CLNK: variants seen among roughly 807,000 people sequenced by gnomAD.
CLNK encodes cytokine-dependent hematopoietic cell linker.
Under a neutral mutation model 68.6 loss-of-function variants are expected in CLNK, and 74 were observed. The observed-to-expected ratio is 1.08, with a 90% confidence interval of 0.89 to 1.31. The LOEUF (loss-of-function observed/expected upper bound fraction) is 1.31. CLNK is among the 50% of genes most tolerant of loss of function. The pLI is 0.00. For missense variants in CLNK, 553 were observed against 515.3 expected (o/e 1.07, Z -0.71); for synonymous variants, 198 against 172.2 (o/e 1.15, Z -1.17).
At chr4:10,513,851 ATTATT>A (rs1053415345) in intron 15 of CLNK, among the ~76,000 whole-genome samples, 3 of 145,408 alleles carry the variant, frequency 2.1e-5, no homozygotes, top group African/African-American at 5.0e-5. Context: ...TATTATTATT[ATTATT>A]TTATTTTTTT....
At chr4:10,712,232 G>T in the CLNK span, among the ~76,000 whole-genome samples, 18 of 152,282 alleles carry the variant, frequency 1.2e-4, no homozygotes, top group African/African-American at 3.8e-4. Flanking sequence ...CTGGTGATTT[G>T]TGGGGGCAGG....
chr4:10,705,477 T>C, the CLNK span, among the ~76,000 whole-genome samples: 3 of 152,218 alleles, frequency 2.0e-5, no homozygotes, highest in South Asian at 6.2e-4. Context: ...TGTTTCCTTT[T>C]TGTGGCTCCA....
the CLNK span, among the ~76,000 whole-genome samples, chr4:10,713,081 G>A: frequency 8.5e-5 from 13 of 152,128 alleles, no homozygotes; most frequent in African/African-American, 1.7e-4. Context: ...GCTTGTCTTC[G>A]CTGTGATTAT....
At chr4:10,667,408 G>T (rs1724442112) in intron 2 of CLNK, among the ~76,000 whole-genome samples, 1 of 121,512 alleles carries the variant, frequency 8.2e-6, no homozygotes, top group African/African-American at 2.8e-5. Flanking sequence ...ATAGACATCA[G>T]GGATGGCATT....
intron 8 of CLNK, among the ~76,000 whole-genome samples, chr4:10,553,672 T>G (rs1354704403): frequency 6.6e-6 from 1 of 152,178 alleles, no homozygotes; most frequent in African/African-American, 2.4e-5. Context: ...CGGGCTGGTC[T>G]GAAGCTCCTA....
At chr4:10,728,572 G>T in the CLNK span, among the ~76,000 whole-genome samples, 1 of 148,360 alleles carries the variant, frequency 6.7e-6, no homozygotes, top group Non-Finnish European at 1.5e-5. Context: ...ATCTGTGTGT[G>T]ATGTATCCTT....
rs143536681 is a variant in CLNK, at chr4:10,536,182, T to C, written c.603-3899A>G. 2.6e-3 allele frequency among the ~76,000 whole-genome samples: 398 copies of C among 152,264 alleles called. 9 individuals carry two copies. Among genetic ancestry groups the C allele is most frequent in the African/African-American group, 9.3e-3 (386 of 41,542 alleles). On this transcript the variant is annotated intron_variant, in intron 11 of 18. Coordinates refer to ENST00000226951, the MANE Select transcript of CLNK (RefSeq NM_052964.4). ...CAGCTGTCTAACTGCCTACCATTGATACAGTTGATTGCCAGATGTAAATCA... is the reference window on the plus strand; with the variant it reads ...CAGCTGTCTAACTGCCTACCATTGACACAGTTGATTGCCAGATGTAAATCA...
At chr4:10,671,739 C>T (rs963868720) in intron 1 of CLNK, among the ~76,000 whole-genome samples, 4 of 152,166 alleles carry the variant, frequency 2.6e-5, no homozygotes, top group African/African-American at 9.7e-5. Context: ...CCTCAGTAAC[C>T]TCATAGGGTC....
intron 8 of CLNK, 139 bp downstream of exon 8, chr4:10,558,268 A>G: frequency 1.5e-6 from 1 of 664,470 alleles, no homozygotes; most frequent in Non-Finnish European, 2.7e-6. Flanking sequence ...AAAATTAGAT[A>G]GTTATTTCCT....
chr4:10,575,814 C>T (rs1720540420), intron 4 of CLNK, among the ~76,000 whole-genome samples: 1 of 152,244 alleles, frequency 6.6e-6, no homozygotes, highest in African/African-American at 2.4e-5. Flanking sequence ...CTTTGATCCA[C>T]ATTGGATTGT....
the CLNK span, among the ~76,000 whole-genome samples, chr4:10,700,141 C>T: frequency 6.6e-6 from 1 of 151,936 alleles, no homozygotes; most frequent in Non-Finnish European, 1.5e-5. Context: ...GGAAGAATGG[C>T]TAGCTATGGA....
intron 2 of CLNK, among the ~76,000 whole-genome samples, chr4:10,628,447 G>T (rs944938902): frequency 6.6e-6 from 1 of 151,894 alleles, no homozygotes; most frequent in African/African-American, 2.4e-5. Context: ...TACATTTTTC[G>T]GTCTGTATTG....
At chr4:10,571,583 G>A (rs755269475) in intron 5 of CLNK, among the ~76,000 whole-genome samples, 158 bp downstream of exon 5, 14 of 152,138 alleles carry the variant, frequency 9.2e-5, no homozygotes, top group South Asian at 2.1e-4. Context: ...TGATCTGCCC[G>A]CCTTGGCCTC....
At chr4:10,700,034 A>G in the CLNK span, among the ~76,000 whole-genome samples, 1 of 63,630 alleles carries the variant, frequency 1.6e-5, no homozygotes, top group African/African-American at 4.6e-5. Flanking sequence ...GTGTATATAT[A>G]TATTTCCTAT....
chr4:10,618,192 T>C (rs1335976439), intron 2 of CLNK, among the ~76,000 whole-genome samples: 3 of 152,082 alleles, frequency 2.0e-5, no homozygotes, highest in Non-Finnish European at 4.4e-5. Flanking sequence ...TATTTAGCAA[T>C]AAAAATGGAT....
upstream of CLNK, among the ~76,000 whole-genome samples, chr4:10,686,909 T>C (rs1486422073): frequency 1.3e-5 from 2 of 152,292 alleles, no homozygotes; most frequent in East Asian, 3.9e-4. Flanking sequence ...TAAAGCTTTT[T>C]TTCTTGGAAT....
At chr4:10,597,744 C>CT (rs1189652077) in intron 3 of CLNK, among the ~76,000 whole-genome samples, 1 of 152,108 alleles carries the variant, frequency 6.6e-6, no homozygotes, top group Non-Finnish European at 1.5e-5. Flanking sequence ...GGAAAGAGGC[C>CT]TGGCCTGCAG....
chr4:10,713,182 G>T, the CLNK span, among the ~76,000 whole-genome samples: 1 of 152,308 alleles, frequency 6.6e-6, no homozygotes, highest in East Asian at 1.9e-4. Flanking sequence ...GACTGTAAAA[G>T]TGGTGGTCAC....
chr4:10,584,510 G>A (rs767812318), intron 4 of CLNK, among the ~76,000 whole-genome samples: 9 of 152,184 alleles, frequency 5.9e-5, no homozygotes, highest in Non-Finnish European at 1.3e-4. Flanking sequence ...TACAGGAGAG[G>A]CATCAAAGGT....
Sources: gnomAD v4.1 joint callset for allele counts (sites outside exome capture counted in the v4.1 genomes callset) on GRCh38, gnomAD v4.1.1 for gene constraint, MANE v1.5 for transcripts, NCBI Gene and HGNC (gene_info 2026-07-23, HGNC 2026-07-21) for gene names.